The following VPS13D variants were observed in gnomAD, a reference collection of about 807,000 sequenced individuals.
VPS13D encodes vacuolar protein sorting 13 homolog D.
VPS13D carries 187 observed loss-of-function variants against 461.9 expected under a neutral mutation model. The observed-to-expected ratio is 0.40, with a 90% CI of 0.36 to 0.46. VPS13D has a LOEUF of 0.46. VPS13D is among the 20% of genes least tolerant of loss of function. The probability of loss-of-function intolerance (pLI) is 0.60; values close to 1 mark genes in which losing one functional copy is unlikely to be tolerated. For missense variants in VPS13D, 4,711 were observed against 5,364.9 expected (o/e 0.88, Z 3.81); for synonymous variants, 1,951 against 1,986.3 (o/e 0.98, Z 0.47).
chr1:12,279,594 G>T lies in VPS13D; in HGVS notation c.4546G>T (p.Asp1516Tyr). The stretch of plus-strand genomic sequence containing the variant: ...ATTGACTTTTTCTCTTAGCCCAGAT[G>T]ACCTGGGAACTTCTAGCATCATGAA... Reference protein sequence around the residue: ...SELTFSLSPDDLGTSSIMKIE... With the variant: ...SELTFSLSPDYLGTSSIMKIE... The change falls in exon 20 of 70, where the codon GAC becomes TAC. Residue 1516 changes from aspartate to tyrosine, a missense_variant. Coordinates refer to ENST00000620676, the MANE Select transcript of VPS13D (RefSeq NM_015378.4). This position sits in a 1 kb window ranked among gnomAD's most constrained non-coding sequence, Gnocchi z 4.3. 1 of 1,613,464 alleles carries T rather than the reference G, an allele frequency of 6.2e-7. No homozygotes were observed. Among genetic ancestry groups the T allele is most frequent in the South Asian group, 1.1e-5 (1 of 90,954 alleles).
At chr1:12,256,717 TTGG>T (rs1206515980) in intron 8 of VPS13D, among the ~76,000 whole-genome samples, 13 of 149,864 alleles carry the variant, frequency 8.7e-5, no homozygotes, top group Non-Finnish European at 1.9e-4. Flanking sequence ...TTTTAATTAG[TTGG>T]TGGTATGGAT....
At chr1:12,382,647 A>G (rs1327636293) in intron 57 of VPS13D, among the ~76,000 whole-genome samples, 1 of 152,238 alleles carries the variant, frequency 6.6e-6, no homozygotes, top group Non-Finnish European at 1.5e-5. Context: ...ACTCAAAGAA[A>G]CAGCTAGTTT....
intron 67 of VPS13D, among the ~76,000 whole-genome samples, chr1:12,492,006 A>G (rs1645889299): frequency 6.6e-6 from 1 of 152,224 alleles, no homozygotes; most frequent in South Asian, 2.1e-4. Context: ...GTTGGTTCAT[A>G]AGAGATGCTG....
At chr1:12,506,411 G>A (rs572518613) in intron 68 of VPS13D, among the ~76,000 whole-genome samples, 6 of 152,226 alleles carry the variant, frequency 3.9e-5, no homozygotes, top group Non-Finnish European at 8.8e-5. Flanking sequence ...GAGGGAGGAA[G>A]CGGATGGGGA....
At chr1:12,354,432 G>GCCT (rs1423108903) in intron 47 of VPS13D, among the ~76,000 whole-genome samples, 4 of 152,156 alleles carry the variant, frequency 2.6e-5, no homozygotes, top group African/African-American at 9.7e-5. Context: ...TTCTCAGGAG[G>GCCT]CTGAGGCGGG....
At position 12,453,309 on chromosome 1, in the gene VPS13D, A is replaced by G. The variant is rs185398232; in HGVS notation, c.12334-2689A>G. On this transcript the variant is annotated intron_variant, in intron 65 of 69. Transcript: ENST00000620676. ...ATTATAGGATTTTTAACTTCCTCCT[A>G]GTTAGCTGCCAGCGATAGGTAAAGA... Among the ~76,000 whole-genome samples the G allele has an allele frequency of 2.0e-5, 3 of 152,202 alleles. No individual in the cohort carries two copies. In the East Asian group the frequency reaches 5.8e-4, roughly 29 times the overall value.
chr1:12,468,512 G>T (rs1231157982), intron 67 of VPS13D, among the ~76,000 whole-genome samples: 1 of 152,182 alleles, frequency 6.6e-6, no homozygotes, highest in Non-Finnish European at 1.5e-5. Flanking sequence ...GACTAGCAGG[G>T]ACTTAAAGAC....
At position 12,279,729 on chromosome 1, in the gene VPS13D, C is replaced by T. The variant is rs1641720673; in HGVS notation, c.4602+79C>T. On this transcript the variant is annotated intron_variant, in intron 20 of 69. Coordinates refer to ENST00000620676, the MANE Select transcript of VPS13D (RefSeq NM_015378.4). The surrounding 1 kb of genome is among the most constrained non-coding windows in gnomAD (Gnocchi z 4.3). ...ATATGATATATATTTATGTATATTA[C>T]ATGTTGGAAGGAATATATATTTTCA... 2 of 1,213,968 alleles carry T rather than the reference C, an allele frequency of 1.6e-6. No homozygotes were observed. The highest frequency in any genetic ancestry group is 2.2e-6 in the Non-Finnish European group (2 of 911,222). 75.2% of individuals were successfully genotyped at this position (1,213,968 alleles called of 1,614,324 possible).
intron 5 of VPS13D, among the ~76,000 whole-genome samples, chr1:12,245,147 CTGTTGACCTTGCCCATGTTTT>C (rs1640506350): frequency 6.6e-6 from 1 of 152,170 alleles, no homozygotes; most frequent in Admixed American, 6.5e-5. Flanking sequence ...AGGACTGGGG[CTGTTGACCTTGCCCATGTTTT>C]CTACTTCAAT....
chr1:12,401,353 C>T (rs1644577604), intron 61 of VPS13D, among the ~76,000 whole-genome samples: 1 of 152,164 alleles, frequency 6.6e-6, no homozygotes, highest in African/African-American at 2.4e-5. Flanking sequence ...GCATCTGAGG[C>T]TGGAATCCTG....
At chr1:12,351,082 T>C (rs1643780634) in intron 46 of VPS13D, among the ~76,000 whole-genome samples, 1 of 152,216 alleles carries the variant, frequency 6.6e-6, no homozygotes, top group Non-Finnish European at 1.5e-5. Context: ...TAGGCCCATA[T>C]AACATTACTA....
At chr1:12,483,785 G>C (rs1645756271) in intron 67 of VPS13D, among the ~76,000 whole-genome samples, 1 of 151,962 alleles carries the variant, frequency 6.6e-6, no homozygotes, top group Admixed American at 6.6e-5. Context: ...GGATCACGAG[G>C]TCAGGAGTTC....
chr1:12,389,675 GA>G (rs1464616536), intron 60 of VPS13D, among the ~76,000 whole-genome samples: 4 of 152,202 alleles, frequency 2.6e-5, no homozygotes, highest in African/African-American at 4.8e-5. Flanking sequence ...TAGTATTGAT[GA>G]TTACCCTTTC....
chr1:12,500,612 A>G (rs1410993253), intron 68 of VPS13D, among the ~76,000 whole-genome samples: 1 of 152,124 alleles, frequency 6.6e-6, no homozygotes, highest in East Asian at 1.9e-4. Flanking sequence ...TTTAAATTGT[A>G]CTTTTAAAAT....
chr1:12,362,878 A>G (rs769261852), intron 51 of VPS13D, 28 bp downstream of exon 51: 4 of 1,613,640 alleles, frequency 2.5e-6, no homozygotes, highest in African/African-American at 2.7e-5. Flanking sequence ...GAAGGATGAG[A>G]GTGCCTATTT....
At position 12,261,938 on chromosome 1, in the gene VPS13D, G is replaced by A. The variant is rs752287066; in HGVS notation, c.1452G>A (p.Ser484=). ...EEFFDPTADA[S]CMNTYTKRDH... The stretch of plus-strand genomic sequence containing the variant: ...TTTTTGACCCCACTGCAGATGCCTC[G>A]TGTATGAACACGTATACAAAGCGAG... The change falls in exon 13 of 70, where the codon TCG becomes TCA. Residue 484 remains serine, a synonymous_variant. Transcript: ENST00000620676. The A allele has an allele frequency of 1.3e-5, 21 of 1,613,444 alleles. No homozygotes were observed. Among genetic ancestry groups the A allele is most frequent in the African/African-American group, 5.3e-5 (4 of 74,854 alleles).
intron 67 of VPS13D, among the ~76,000 whole-genome samples, chr1:12,486,748 C>G (rs1358562774): frequency 6.6e-6 from 1 of 152,234 alleles, no homozygotes; most frequent in African/African-American, 2.4e-5. Flanking sequence ...AGGAGTTCCA[C>G]TGCGGACTGC....
intron 37 of VPS13D, 110 bp downstream of exon 37, chr1:12,330,028 G>GGA: frequency 2.7e-6 from 1 of 366,396 alleles, no homozygotes; most frequent in Non-Finnish European, 5.3e-6. Context: ...GGTGGGGTGG[G>GGA]ACGGGGAAAG....
chr1:12,430,271 T>C (rs1644975430), intron 65 of VPS13D, among the ~76,000 whole-genome samples: 1 of 152,204 alleles, frequency 6.6e-6, no homozygotes, highest in South Asian at 2.1e-4. Flanking sequence ...TTCACAAACT[T>C]ATGCATTAAA....
Sources: allele counts gnomAD v4.1 joint callset (sites outside exome capture counted in the v4.1 genomes callset), GRCh38; gene constraint gnomAD v4.1.1; non-coding constraint Gnocchi (gnomAD v3.1); transcripts MANE v1.5; gene names NCBI Gene and HGNC (gene_info 2026-07-23, HGNC 2026-07-21).